Variants in SNTG1 observed in about 807,000 individuals in gnomAD.
SNTG1 encodes the protein syntrophin gamma 1, also known as gamma-1-syntrophin.
A neutral mutation model predicts 74.7 loss-of-function variants in SNTG1; 39 were observed. That is an observed-to-expected ratio of 0.52 (90% confidence interval 0.40 to 0.68). The LOEUF (loss-of-function observed/expected upper bound fraction) is 0.68, where lower values mean the gene tolerates loss of function less well. SNTG1 is among the 30% of genes least tolerant of loss of function. The pLI is 0.00. For missense variants in SNTG1, 685 were observed against 609.5 expected (o/e 1.12, Z -1.30); for synonymous variants, 254 against 217.1 (o/e 1.17, Z -1.49).
rs374676626 is a variant in SNTG1, at chr8:49,985,871, T to C, written c.-103+73640T>C. On this transcript the variant is annotated intron_variant, in intron 1 of 18. Transcript: ENST00000642720. ...TGATAATGATCTCTATTTGACTTAGTAAATCTGATATGACCTTTATATTTT... is the reference window on the plus strand; with the variant it reads ...TGATAATGATCTCTATTTGACTTAGCAAATCTGATATGACCTTTATATTTT... Among the ~76,000 whole-genome samples the C allele has an allele frequency of 2.1e-3, 320 of 152,292 alleles. 3 individuals are homozygous for C. In the South Asian group the frequency reaches 0.021, roughly 10 times the overall value.
chr8:50,142,508 G>A (rs1343150973), intron 1 of SNTG1, among the ~76,000 whole-genome samples: 3 of 151,214 alleles, frequency 2.0e-5, no homozygotes, highest in Non-Finnish European at 4.4e-5. Context: ...TGGGTTGAAT[G>A]AATCAAGCAG....
chr8:50,104,982 G>T (rs2080308887), intron 1 of SNTG1, among the ~76,000 whole-genome samples: 2 of 152,030 alleles, frequency 1.3e-5, no homozygotes, highest in South Asian at 4.1e-4. Flanking sequence ...CTTCCATTCT[G>T]TAGGTTGTCT....
intron 12 of SNTG1, among the ~76,000 whole-genome samples, chr8:50,570,248 T>TTTTATTTTATTTTATTTTA (rs1563590385): frequency 0.043 from 1,566 of 36,844 alleles, 50 homozygotes; most frequent in East Asian, 0.13. Context: ...TTTATTTTAT[T>TTTTATTTTATTTTATTTTA]TTATTTTATT....
At chr8:50,449,981 G>T (rs974126861) in intron 6 of SNTG1, among the ~76,000 whole-genome samples, 9 of 152,138 alleles carry the variant, frequency 5.9e-5, no homozygotes, top group African/African-American at 2.2e-4. Flanking sequence ...GGACTACACA[G>T]CTTTTCAGTT....
At chr8:50,658,867 T>C (rs1314824526) in intron 15 of SNTG1, among the ~76,000 whole-genome samples, 1 of 152,178 alleles carries the variant, frequency 6.6e-6, no homozygotes, top group Non-Finnish European at 1.5e-5. Context: ...AGCTATCTGC[T>C]TAAATAACTT....
At chr8:50,771,703 C>G (rs1360966808) in intron 18 of SNTG1, among the ~76,000 whole-genome samples, 2 of 152,054 alleles carry the variant, frequency 1.3e-5, no homozygotes, top group East Asian at 1.9e-4. Flanking sequence ...TTTCAAAGAT[C>G]TTTGAGGCCA....
chr8:49,971,334 T>A (rs546830414), intron 1 of SNTG1, among the ~76,000 whole-genome samples: 1 of 152,198 alleles, frequency 6.6e-6, no homozygotes, highest in African/African-American at 2.4e-5. Context: ...TGCTGAAAAC[T>A]CTCAATAAAT....
At chr8:50,067,582 G>A (rs1325940889) in intron 1 of SNTG1, among the ~76,000 whole-genome samples, 1 of 152,154 alleles carries the variant, frequency 6.6e-6, no homozygotes, top group African/African-American at 2.4e-5. Context: ...CAATCTGTAA[G>A]TTGCTTTCTT....
chr8:50,733,781 C>T (rs2095518841), intron 17 of SNTG1, among the ~76,000 whole-genome samples: 2 of 151,238 alleles, frequency 1.3e-5, no homozygotes. Flanking sequence ...GGAGTTTTTT[C>T]TTTTCTTTAT....
intron 1 of SNTG1, among the ~76,000 whole-genome samples, chr8:49,937,889 TC>T (rs2129368055): frequency 6.6e-6 from 1 of 152,276 alleles, no homozygotes; most frequent in East Asian, 1.9e-4. Flanking sequence ...CCTTCTGAGT[TC>T]CTTTTTGAAA....
chr8:50,722,415 A>G (rs998149755), intron 17 of SNTG1, among the ~76,000 whole-genome samples: 2 of 151,890 alleles, frequency 1.3e-5, no homozygotes, highest in Non-Finnish European at 2.9e-5. Context: ...ACCTCAACTG[A>G]TCCTCCCACC....
intron 12 of SNTG1, among the ~76,000 whole-genome samples, chr8:50,554,910 A>C (rs1165155734): frequency 2.0e-5 from 3 of 151,748 alleles, no homozygotes; most frequent in African/African-American, 7.3e-5. Flanking sequence ...TAAACTTTGA[A>C]TCCAAAGTTT....
chr8:50,487,947 G>T (rs1173221247), intron 8 of SNTG1, among the ~76,000 whole-genome samples: 1 of 152,128 alleles, frequency 6.6e-6, no homozygotes, highest in Non-Finnish European at 1.5e-5. Flanking sequence ...GAATGTGATA[G>T]ATATTTGATA....
chr8:50,158,060 G>A (rs1252823130), intron 1 of SNTG1, among the ~76,000 whole-genome samples: 1 of 151,978 alleles, frequency 6.6e-6, no homozygotes, highest in Non-Finnish European at 1.5e-5. Flanking sequence ...ACATTGTTTG[G>A]GTGGCAAATT....
chr8:50,111,342 G>C (rs1185871789), intron 1 of SNTG1, among the ~76,000 whole-genome samples: 1 of 152,092 alleles, frequency 6.6e-6, no homozygotes, highest in Non-Finnish European at 1.5e-5. Flanking sequence ...CATAAGGTGG[G>C]GGTCTTAATT....
chr8:50,288,478 A>G (rs1320323869), intron 2 of SNTG1, among the ~76,000 whole-genome samples: 1 of 152,206 alleles, frequency 6.6e-6, no homozygotes, highest in African/African-American at 2.4e-5. Flanking sequence ...CACCTATTTT[A>G]TACTGCCTGT....
In SNTG1 at chr8:50,233,658, G is replaced by A. The variant is rs540446823; in HGVS notation, c.-28+61023G>A. ...AAAAATAGCTTCAAACCACAAACCT[G>A]ATAAAGAGCCCATATCTAGAATTTA... On this transcript the variant is annotated intron_variant, in intron 2 of 18. Transcript: ENST00000642720. Among the ~76,000 whole-genome samples, 8 of 150,518 alleles carry A rather than the reference G, an allele frequency of 5.3e-5. No homozygotes were observed. In the South Asian group the frequency reaches 1.7e-3, roughly 31 times the overall value.
intron 2 of SNTG1, among the ~76,000 whole-genome samples, chr8:50,220,134 C>G (rs1295757425): frequency 6.6e-6 from 1 of 152,010 alleles, no homozygotes; most frequent in Non-Finnish European, 1.5e-5. Context: ...ATCAAAGCCT[C>G]AAAAAATCCC....
chr8:50,519,787 C>T (rs2094164053), intron 9 of SNTG1, among the ~76,000 whole-genome samples: 1 of 152,058 alleles, frequency 6.6e-6, no homozygotes, highest in Non-Finnish European at 1.5e-5. Flanking sequence ...CAAAGCACTG[C>T]TCAAGGAAAT....
Sources: allele counts gnomAD v4.1 joint callset (sites outside exome capture counted in the v4.1 genomes callset), GRCh38; gene constraint gnomAD v4.1.1; transcripts MANE v1.5; gene names NCBI Gene and HGNC (gene_info 2026-07-23, HGNC 2026-07-21).